Variants in PDE4B observed in about 807,000 individuals in gnomAD.
PDE4B encodes 3',5'-cyclic-AMP phosphodiesterase 4B.
PDE4B carries 20 observed loss-of-function variants against 82.2 expected under a neutral mutation model. The observed-to-expected ratio is 0.24, with a 90% CI of 0.17 to 0.35. PDE4B has a LOEUF of 0.35. Among genes scored for constraint, PDE4B ranks in the 10% least tolerant of loss-of-function variants. PDE4B has a pLI of 1.00. For missense variants in PDE4B, 655 were observed against 907.2 expected (o/e 0.72, Z 3.57); for synonymous variants, 320 against 318.9 (o/e 1.00, Z -0.04).
At chr1:66,193,626 C>T (rs1362107467) in intron 3 of PDE4B, among the ~76,000 whole-genome samples, 2 of 152,154 alleles carry the variant, frequency 1.3e-5, no homozygotes, top group African/African-American at 4.8e-5. Flanking sequence ...AAAAGGACAA[C>T]AGTTTTCAAA....
intron 7 of PDE4B, 85 bp from the exon 8 acceptor site, chr1:66,332,423 G>A (rs370407084): frequency 1.7e-5 from 28 of 1,614,052 alleles, no homozygotes; most frequent in Non-Finnish European, 2.2e-5. Context: ...CAGTAGCACC[G>A]GAATCAGCGG....
chr1:66,053,684 C>A (rs1272771689), intron 3 of PDE4B, among the ~76,000 whole-genome samples: 1 of 152,034 alleles, frequency 6.6e-6, no homozygotes, highest in Non-Finnish European at 1.5e-5. Context: ...CATGGTGAAA[C>A]CCCATCTCCA....
chr1:65,953,742 A>T (rs1389539699), intron 3 of PDE4B, among the ~76,000 whole-genome samples: 1 of 152,146 alleles, frequency 6.6e-6, no homozygotes, highest in African/African-American at 2.4e-5. Context: ...TACAATTTTT[A>T]AAAAATGTGT....
intron 3 of PDE4B, among the ~76,000 whole-genome samples, chr1:66,188,650 A>T (rs1390316685): frequency 1.3e-5 from 2 of 151,530 alleles, no homozygotes; most frequent in East Asian, 3.9e-4. Context: ...AGAGACTAGG[A>T]TTGCAACCCC....
rs199820196 is a variant in PDE4B at position 65,807,099 on chromosome 1, TA to T, written c.-71+13853del. On this transcript the variant is annotated intron_variant, in intron 1 of 16. Coordinates refer to ENST00000341517, the MANE Select transcript of PDE4B (RefSeq NM_002600.4). The stretch of plus-strand genomic sequence containing the variant: ...AGAATCCCTGGGGTCCTTTTACCTC[TA>T]ACAGCAGCACATCTGCTAGAAAACT... Among the ~76,000 whole-genome samples, 1,418 of 152,314 alleles carry T rather than the reference TA, an allele frequency of 9.3e-3. 20 individuals are homozygous for T. The highest frequency in any genetic ancestry group is 0.032 in the African/African-American group (1,319 of 41,552).
chr1:65,918,580 C>A lies in PDE4B; in HGVS notation c.43-17C>A. ...TTTTCTTTCTCTTCTTTTTTTCTTT[C>A]CCTGTGGTTCCTCCAGAATGTTAAA... On this transcript the variant is annotated splice_polypyrimidine_tract_variant and intron_variant, in intron 2 of 16. Transcript: ENST00000341517. The A allele has an allele frequency of 7.3e-7, 1 of 1,375,362 alleles. No homozygotes were observed. Among genetic ancestry groups the A allele is most frequent in the Non-Finnish European group, 1.0e-6 (1 of 969,256 alleles). The allele number at this position is 1,375,362 out of a possible 1,614,324, so 85.2% of individuals were successfully genotyped here. A position where few individuals can be genotyped will look rare whatever the true frequency, so the allele number is the denominator to read the frequency against.
chr1:66,190,481 C>T (rs113975895), intron 3 of PDE4B, among the ~76,000 whole-genome samples: 8,702 of 152,290 alleles, frequency 0.057, 351 homozygotes, highest in Non-Finnish European at 0.085. Flanking sequence ...GTGGGCTCCA[C>T]CCAGTTCATT....
chr1:66,143,384 G>A (rs575085263), intron 3 of PDE4B, among the ~76,000 whole-genome samples: 1 of 152,330 alleles, frequency 6.6e-6, no homozygotes, highest in East Asian at 1.9e-4. Context: ...GGAATGGTAG[G>A]TGGATCAGGC....
At chr1:66,108,284 C>G (rs892566194) in intron 3 of PDE4B, among the ~76,000 whole-genome samples, 1 of 151,636 alleles carries the variant, frequency 6.6e-6, no homozygotes, top group African/African-American at 2.4e-5. Context: ...AGTTTGATTT[C>G]TTTTTTTTAG....
intron 3 of PDE4B, among the ~76,000 whole-genome samples, chr1:66,015,438 C>T (rs1652715645): frequency 6.6e-6 from 1 of 152,104 alleles, no homozygotes; most frequent in Non-Finnish European, 1.5e-5. Context: ...CTCTGCTGAA[C>T]TGAGCTGGAG....
chr1:66,286,678 A>G (rs769068561), intron 7 of PDE4B, among the ~76,000 whole-genome samples: 1 of 152,242 alleles, frequency 6.6e-6, no homozygotes, highest in East Asian at 1.9e-4. Context: ...CAACATAAAC[A>G]TGGGAAAACT....
chr1:65,863,102 A>G (rs1404571353), intron 1 of PDE4B, among the ~76,000 whole-genome samples: 1 of 151,786 alleles, frequency 6.6e-6, no homozygotes, highest in Non-Finnish European at 1.5e-5. Flanking sequence ...TAGGGTGTCA[A>G]TTTCATATCT....
chr1:66,295,198 T>C (rs1320038886), intron 7 of PDE4B, among the ~76,000 whole-genome samples: 2 of 152,112 alleles, frequency 1.3e-5, no homozygotes, highest in Non-Finnish European at 2.9e-5. Context: ...GAATAAATAG[T>C]AGGTCCAAGG....
chr1:66,026,774 G>A lies in PDE4B; in HGVS notation c.281+107939G>A, dbSNP rs1160040892. Among the ~76,000 whole-genome samples, 4 of 152,184 alleles carry A rather than the reference G, an allele frequency of 2.6e-5. No individual in the cohort carries two copies. In the East Asian group the frequency reaches 7.7e-4, roughly 29 times the overall value. On this transcript the variant is annotated intron_variant, in intron 3 of 16. Transcript: ENST00000341517. ...TTCTGTAAGCTTTATTTCAGACTTTGGTCACAAAACAAAATAGATGAAAGT... is the reference window on the plus strand; with the variant it reads ...TTCTGTAAGCTTTATTTCAGACTTTAGTCACAAAACAAAATAGATGAAAGT...
chr1:65,956,307 T>C (rs1411247921), intron 3 of PDE4B, among the ~76,000 whole-genome samples: 2 of 152,138 alleles, frequency 1.3e-5, no homozygotes, highest in African/African-American at 2.4e-5. Flanking sequence ...CCTGTTTTAA[T>C]TCAGGAAACA....
At chr1:66,366,552 G>A (rs1663266054) in intron 13 of PDE4B, among the ~76,000 whole-genome samples, 1 of 152,172 alleles carries the variant, frequency 6.6e-6, no homozygotes, top group Admixed American at 6.5e-5. Flanking sequence ...GCTACTTGCT[G>A]TAAAAGAGTC....
intron 3 of PDE4B, among the ~76,000 whole-genome samples, chr1:66,033,502 A>G (rs1653904706): frequency 6.6e-6 from 1 of 152,160 alleles, no homozygotes; most frequent in South Asian, 2.1e-4. Flanking sequence ...AACTCCCAGG[A>G]CCAGTGCATG....
chr1:66,345,187 A>C (rs910745713), intron 8 of PDE4B, among the ~76,000 whole-genome samples: 1 of 151,084 alleles, frequency 6.6e-6, no homozygotes, highest in African/African-American at 2.4e-5. Context: ...AAGACATAGA[A>C]TCAAATCTTG....
intron 1 of PDE4B, among the ~76,000 whole-genome samples, chr1:65,893,926 T>C (rs1472294431): frequency 2.0e-5 from 3 of 152,072 alleles, no homozygotes; most frequent in Non-Finnish European, 4.4e-5. Flanking sequence ...TTCTCACTTA[T>C]AAGTGGGAGC....
Sources: allele counts gnomAD v4.1 joint callset (sites outside exome capture counted in the v4.1 genomes callset), GRCh38; gene constraint gnomAD v4.1.1; transcripts MANE v1.5; gene names NCBI Gene and HGNC (gene_info 2026-07-23, HGNC 2026-07-21).